THSD7A: variants seen among roughly 807,000 people sequenced by gnomAD.
THSD7A encodes thrombospondin type 1 domain containing 7A, also known as thrombospondin type-1 domain-containing protein 7A.
Under a neutral mutation model 231.3 loss-of-function variants are expected in THSD7A, and 96 were observed. That is an observed-to-expected ratio of 0.41 (90% confidence interval 0.35 to 0.49). The LOEUF is 0.49. Among genes scored for constraint, THSD7A ranks in the 20% least tolerant of loss-of-function variants. The probability of loss-of-function intolerance (pLI) is 0.05; values close to 1 mark genes in which losing one functional copy is unlikely to be tolerated. For synonymous variants in THSD7A, 940 were observed against 743.3 expected (o/e 1.26, Z -4.30); for missense variants, 2,290 against 2,070.2 (o/e 1.11, Z -2.06).
Position 11,636,921 on chromosome 7 carries a change from T to C in THSD7A, c.231A>G (p.Gly77=). Residue 77 remains glycine (G), a synonymous_variant, in exon 2 of 28, where the codon GGA becomes GGG. Coordinates refer to ENST00000423059, the MANE Select transcript of THSD7A (RefSeq NM_015204.3). The surrounding 1 kb of genome is among the most constrained non-coding windows in gnomAD (Gnocchi z 10.0). ...ACCACACAGCCCTCGTTTGGATGCCTCCGGGACCACATTCATCTCCCATAC... is the reference window on the plus strand; with the variant it reads ...ACCACACAGCCCTCGTTTGGATGCCCCCGGGACCACATTCATCTCCCATAC... ...GRCMGDECGP[G]GIQTRAVWCA... is the part of the protein sequence containing the mutation. The C allele has an allele frequency of 6.2e-7, 1 of 1,612,646 alleles. No homozygotes were observed. Among genetic ancestry groups the C allele is most frequent in the Non-Finnish European group, 8.5e-7 (1 of 1,179,682 alleles).
At chr7:11,826,727 G>A (rs1015231599) in intron 1 of THSD7A, among the ~76,000 whole-genome samples, 7 of 149,414 alleles carry the variant, frequency 4.7e-5, no homozygotes, top group East Asian at 4.0e-4. Flanking sequence ...CAGGAGAATC[G>A]CTTGAATCCA....
intron 6 of THSD7A, among the ~76,000 whole-genome samples, chr7:11,527,195 A>G (rs1385863150): frequency 1.3e-5 from 2 of 152,198 alleles, no homozygotes; most frequent in East Asian, 3.8e-4. Flanking sequence ...ATTTAAAATT[A>G]TTGTATATAG....
Position 11,371,715 on chromosome 7 carries a change from T to G in THSD7A, c.*4079A>C, listed in dbSNP as rs1176828448. The G allele has an allele frequency of 6.7e-6, 1 of 150,282 alleles. No individual in the cohort carries two copies. The highest frequency in any genetic ancestry group is 1.5e-5 in the Non-Finnish European group (1 of 67,868). The allele number at this position is 150,282 out of a possible 1,614,324, so 9.3% of individuals were successfully genotyped here. ...GATATGGGATGGTCTAAAGCAAGTG[T>G]AGGCATGGACATTTTTACAGAAAAG... On this transcript the variant is annotated 3_prime_UTR_variant, in exon 28 of 28. Transcript: ENST00000423059.
At chr7:11,526,164 A>G (rs1384024131) in intron 6 of THSD7A, among the ~76,000 whole-genome samples, 2 of 152,140 alleles carry the variant, frequency 1.3e-5, no homozygotes, top group East Asian at 3.9e-4. Flanking sequence ...TTCTCTCATG[A>G]TCTGGTTTTA....
At chr7:11,591,002 G>A (rs1421184445) in intron 3 of THSD7A, among the ~76,000 whole-genome samples, 2 of 152,120 alleles carry the variant, frequency 1.3e-5, no homozygotes, top group African/African-American at 4.8e-5. Context: ...ATATGAAAAT[G>A]GGAAACATTC....
chr7:11,610,238 T>C (rs527764646), intron 2 of THSD7A, among the ~76,000 whole-genome samples: 15 of 152,158 alleles, frequency 9.9e-5, no homozygotes, highest in South Asian at 8.3e-4. Flanking sequence ...CTTGTTCCTC[T>C]GTAATTTTTG....
chr7:11,766,293 C>T (rs1222972115), intron 1 of THSD7A, among the ~76,000 whole-genome samples: 1 of 152,162 alleles, frequency 6.6e-6, no homozygotes, highest in African/African-American at 2.4e-5. Context: ...AAAGGTCACT[C>T]AATCTAGTTT....
Position 11,380,735 on chromosome 7 carries a change from A to G in THSD7A, c.4508-1023T>C, listed in dbSNP as rs192263221. On this transcript the variant is annotated intron_variant, in intron 24 of 27. Transcript: ENST00000423059. ...GGTAATATACTTTACATGCTTGTCT[A>G]TTTGTCATAAAGAATCTCATCTCTC... Among the ~76,000 whole-genome samples the G allele has an allele frequency of 4.9e-3, 740 of 152,280 alleles. 8 individuals are homozygous for G. The highest frequency in any genetic ancestry group is 0.017 in the African/African-American group (695 of 41,570).
At chr7:11,545,773 G>A (rs1264929716) in intron 4 of THSD7A, among the ~76,000 whole-genome samples, 1 of 152,186 alleles carries the variant, frequency 6.6e-6, no homozygotes, top group Non-Finnish European at 1.5e-5. Flanking sequence ...TCAGGGGCAG[G>A]TCTCTAATAT....
chr7:11,561,054 G>A (rs908591560), intron 4 of THSD7A, among the ~76,000 whole-genome samples: 11 of 152,060 alleles, frequency 7.2e-5, no homozygotes, highest in African/African-American at 1.7e-4. Flanking sequence ...GTATGAAGTT[G>A]CCCTCAATTA....
At chr7:11,497,445 A>G (rs149701851) in intron 6 of THSD7A, among the ~76,000 whole-genome samples, 4 of 152,266 alleles carry the variant, frequency 2.6e-5, no homozygotes, top group Admixed American at 2.6e-4. Flanking sequence ...ACCTCATTGC[A>G]TTTCTTTAGG....
chr7:11,691,297 T>C (rs1780222778), intron 1 of THSD7A, among the ~76,000 whole-genome samples: 1 of 151,548 alleles, frequency 6.6e-6, no homozygotes, highest in Non-Finnish European at 1.5e-5. Flanking sequence ...AAGTGCATGG[T>C]AATAGGTATT....
At chr7:11,412,325 A>G (rs992718363) in intron 18 of THSD7A, among the ~76,000 whole-genome samples, 1 of 152,166 alleles carries the variant, frequency 6.6e-6, no homozygotes, top group African/African-American at 2.4e-5. Context: ...AAAGAAAGAC[A>G]TTTTTGAATA....
intron 11 of THSD7A, among the ~76,000 whole-genome samples, chr7:11,454,282 C>T (rs1234663487): frequency 6.7e-6 from 1 of 149,386 alleles, no homozygotes; most frequent in Non-Finnish European, 1.5e-5. Context: ...TCTTTTTCCT[C>T]TCTCTTTTTA....
intron 6 of THSD7A, among the ~76,000 whole-genome samples, chr7:11,497,047 CA>C (rs2128308854): frequency 6.6e-6 from 1 of 152,276 alleles, no homozygotes; most frequent in African/African-American, 2.4e-5. Flanking sequence ...AATTCACTTA[CA>C]GTTCAGAATG....
intron 1 of THSD7A, among the ~76,000 whole-genome samples, chr7:11,669,299 T>G (rs1783278858): frequency 6.6e-6 from 1 of 152,120 alleles, no homozygotes; most frequent in African/African-American, 2.4e-5. Flanking sequence ...ACATACTGTA[T>G]TTAAAAATAC....
chr7:11,805,285 C>G (rs1438483333), intron 1 of THSD7A, among the ~76,000 whole-genome samples: 1 of 152,150 alleles, frequency 6.6e-6, no homozygotes, highest in Non-Finnish European at 1.5e-5. Context: ...ATCCTACTGA[C>G]CAATCCCATG....
intron 1 of THSD7A, among the ~76,000 whole-genome samples, chr7:11,648,641 T>C (rs912868309): frequency 1.3e-5 from 2 of 150,524 alleles, no homozygotes; most frequent in Non-Finnish European, 3.0e-5. Context: ...TTGTGGCGTG[T>C]GTGTGTGTGT....
chr7:11,486,901 G>T (rs772881552), intron 6 of THSD7A, among the ~76,000 whole-genome samples: 1 of 151,976 alleles, frequency 6.6e-6, no homozygotes, highest in Non-Finnish European at 1.5e-5. Flanking sequence ...CTTACTTTGA[G>T]GCCTTAACTG....
Sources: allele counts gnomAD v4.1 joint callset (sites outside exome capture counted in the v4.1 genomes callset), GRCh38; gene constraint gnomAD v4.1.1; non-coding constraint Gnocchi (gnomAD v3.1); transcripts MANE v1.5; gene names NCBI Gene and HGNC (gene_info 2026-07-23, HGNC 2026-07-21).